RFX3: variants seen among roughly 807,000 people sequenced by gnomAD.
RFX3 encodes transcription factor RFX3.
In RFX3, 14 loss-of-function variants were observed where a neutral mutation model predicts 98.6. The observed-to-expected ratio is 0.14, with a 90% CI of 0.09 to 0.22. The LOEUF (loss-of-function observed/expected upper bound fraction) is 0.22. RFX3 is among the 10% of genes least tolerant of loss of function. RFX3 has a pLI of 1.00. For missense variants in RFX3, 639 were observed against 926.9 expected (o/e 0.69, Z 4.03); for synonymous variants, 383 against 328.4 (o/e 1.17, Z -1.80).
At position 3,222,487 on chromosome 9, in the gene RFX3, T is replaced by C. The variant is rs1219424637; in HGVS notation, c.*2555A>G. 4 of 152,138 alleles carry C rather than the reference T, an allele frequency of 2.6e-5. No homozygotes were observed. The highest frequency in any genetic ancestry group is 5.9e-5 in the Non-Finnish European group (4 of 68,018). 9.4% of individuals were successfully genotyped at this position (152,138 alleles called of 1,614,324 possible). ...GTAATGATACAAATATATCCAACATTAAATTAAACAATGATAATAAATACA... is the reference window on the plus strand; with the variant it reads ...GTAATGATACAAATATATCCAACATCAAATTAAACAATGATAATAAATACA... On this transcript the variant is annotated 3_prime_UTR_variant, in exon 17 of 17. Transcript: ENST00000617270.
chr9:3,275,070 T>A (rs1825025808), intron 9 of RFX3, among the ~76,000 whole-genome samples: 1 of 151,962 alleles, frequency 6.6e-6, no homozygotes, highest in Non-Finnish European at 1.5e-5. Flanking sequence ...GGCTGTATAG[T>A]ATTCTACTCT....
chr9:3,279,415 T>C (rs568121929), intron 7 of RFX3, among the ~76,000 whole-genome samples: 2 of 151,938 alleles, frequency 1.3e-5, no homozygotes, highest in African/African-American at 2.4e-5. Context: ...GTTATTAATA[T>C]TTACCCTGGA....
rs1157827075 is a variant in RFX3, at chr9:3,221,697, A to C, written c.*3345T>G. On this transcript the variant is annotated 3_prime_UTR_variant, in exon 17 of 17. Transcript: ENST00000617270. ...GCCCTGTCTTCCAAGGAGATGGTTC[A>C]TCCATTCCACCCTATTGTTCACTGG... The C allele has an allele frequency of 6.6e-6, 1 of 152,194 alleles. No homozygotes were observed. Among genetic ancestry groups the C allele is most frequent in the East Asian group, 1.9e-4 (1 of 5,204 alleles). 9.4% of individuals were successfully genotyped at this position (152,194 alleles called of 1,614,324 possible).
intron 2 of RFX3, among the ~76,000 whole-genome samples, chr9:3,348,525 T>A (rs1293707168): frequency 6.6e-6 from 1 of 151,692 alleles, no homozygotes; most frequent in African/African-American, 2.4e-5. Context: ...TTATTCTTTC[T>A]TCATTTATTA....
intron 1 of RFX3, among the ~76,000 whole-genome samples, chr9:3,409,398 T>C (rs1221264496): frequency 6.6e-6 from 1 of 152,242 alleles, no homozygotes; most frequent in Non-Finnish European, 1.5e-5. Context: ...AAAATTGGCA[T>C]TCAGCTGCGT....
intron 1 of RFX3, among the ~76,000 whole-genome samples, chr9:3,427,801 T>A (rs868812593): frequency 2.0e-5 from 3 of 152,110 alleles, no homozygotes; most frequent in African/African-American, 7.2e-5. Context: ...TTGCCATATG[T>A]GCAGTTCATC....
At chr9:3,255,395 T>G (rs1441738449) in intron 14 of RFX3, among the ~76,000 whole-genome samples, 1 of 152,238 alleles carries the variant, frequency 6.6e-6, no homozygotes, top group Non-Finnish European at 1.5e-5. Flanking sequence ...GACTCACCAC[T>G]GATGTCCAGA....
At chr9:3,475,411 G>A (rs1849149515) in intron 1 of RFX3, among the ~76,000 whole-genome samples, 1 of 151,656 alleles carries the variant, frequency 6.6e-6, no homozygotes, top group Non-Finnish European at 1.5e-5. Context: ...AAGGCAAAAG[G>A]GGAAGGGTAA....
chr9:3,303,489 A>C (rs1828907581), intron 4 of RFX3, among the ~76,000 whole-genome samples: 1 of 151,962 alleles, frequency 6.6e-6, no homozygotes, highest in Admixed American at 6.6e-5. Flanking sequence ...AGTCTAGTAA[A>C]TATAAATAAA....
At chr9:3,480,643 T>C (rs1438624916) in intron 1 of RFX3, among the ~76,000 whole-genome samples, 1 of 152,216 alleles carries the variant, frequency 6.6e-6, no homozygotes, top group Non-Finnish European at 1.5e-5. Context: ...TTCTATTCTC[T>C]GTTCTTTCCC....
chr9:3,394,114 T>C (rs1391784859), intron 2 of RFX3, among the ~76,000 whole-genome samples: 2 of 152,098 alleles, frequency 1.3e-5, no homozygotes, highest in African/African-American at 2.4e-5. Context: ...GATGGGAAAG[T>C]TGTATATGTG....
At chr9:3,299,268 G>A (rs1174955518) in intron 5 of RFX3, among the ~76,000 whole-genome samples, 1 of 151,710 alleles carries the variant, frequency 6.6e-6, no homozygotes, top group African/African-American at 2.4e-5. Context: ...CAGAATGCAT[G>A]CACTAGCAAA....
intron 1 of RFX3, among the ~76,000 whole-genome samples, chr9:3,421,786 T>G (rs1365050575): frequency 6.6e-6 from 1 of 152,122 alleles, no homozygotes; most frequent in Non-Finnish European, 1.5e-5. Context: ...TCACATCACC[T>G]CTAATATATT....
At chr9:3,437,793 G>A (rs368030133) in intron 1 of RFX3, among the ~76,000 whole-genome samples, 10 of 152,076 alleles carry the variant, frequency 6.6e-5, no homozygotes, top group African/African-American at 2.4e-4. Flanking sequence ...CTTACCTGCA[G>A]AAACCACAAG....
At chr9:3,409,574 AAC>A (rs1314514367) in intron 1 of RFX3, among the ~76,000 whole-genome samples, 2 of 152,250 alleles carry the variant, frequency 1.3e-5, no homozygotes, top group Non-Finnish European at 2.9e-5. Flanking sequence ...AGTTAATACA[AAC>A]ACAGTTCAGG....
At chr9:3,264,436 C>A (rs1453774736) in intron 12 of RFX3, among the ~76,000 whole-genome samples, 1 of 152,116 alleles carries the variant, frequency 6.6e-6, no homozygotes, top group Non-Finnish European at 1.5e-5. Context: ...TCTATCTTGA[C>A]ATGAGATGTT....
At position 3,442,125 on chromosome 9, in the gene RFX3, G is replaced by A. The variant is rs146430681; in HGVS notation, c.-8-46529C>T. On this transcript the variant is annotated intron_variant, in intron 1 of 16. Transcript: ENST00000617270. The stretch of plus-strand genomic sequence containing the variant: ...TGAGGCAGGAGAAACGCTTGAACCC[G>A]GGAGACAGAGGTTGCAATGAGCTGA... Among the ~76,000 whole-genome samples, 12 of 152,064 alleles carry A rather than the reference G, an allele frequency of 7.9e-5. No homozygotes were observed. The East Asian group carries it at 1.2e-3, about 15-fold the overall frequency.
chr9:3,463,535 G>A (rs1473292064), intron 1 of RFX3, among the ~76,000 whole-genome samples: 2 of 151,434 alleles, frequency 1.3e-5, no homozygotes, highest in Non-Finnish European at 2.9e-5. Flanking sequence ...CTTTGAAAAG[G>A]CACACTTAAG....
intron 15 of RFX3, among the ~76,000 whole-genome samples, chr9:3,232,125 A>G (rs1451385556): frequency 6.6e-6 from 1 of 152,198 alleles, no homozygotes; most frequent in Non-Finnish European, 1.5e-5. Flanking sequence ...GATGAAAAAA[A>G]AAGGAAGCTC....
Sources: gnomAD v4.1 joint callset for allele counts (sites outside exome capture counted in the v4.1 genomes callset) on GRCh38, gnomAD v4.1.1 for gene constraint, MANE v1.5 for transcripts, NCBI Gene and HGNC (gene_info 2026-07-23, HGNC 2026-07-21) for gene names.